Variants in AEBP2 observed in about 807,000 individuals in gnomAD.
AEBP2 encodes zinc finger protein AEBP2.
In AEBP2, 10 loss-of-function variants were observed where a neutral mutation model predicts 50.8. That is an observed-to-expected ratio of 0.20 (90% CI 0.12 to 0.33). AEBP2 has a LOEUF of 0.33. Ranked by LOEUF, AEBP2 falls within the 10% of genes least tolerant of loss-of-function variation. The probability of loss-of-function intolerance (pLI) is 1.00; values close to 1 mark genes in which losing one functional copy is unlikely to be tolerated. For missense variants in AEBP2, 570 were observed against 688.0 expected (o/e 0.83, Z 1.92); for synonymous variants, 296 against 261.3 (o/e 1.13, Z -1.28).
chr12:19,431,632 C>T (rs1163556207), intron 1 of AEBP2, among the ~76,000 whole-genome samples: 1 of 152,148 alleles, frequency 6.6e-6, no homozygotes, highest in African/African-American at 2.4e-5. Context: ...TTCAAAATGG[C>T]TATACTGATA....
At chr12:19,477,547 T>G (rs777835527) in intron 3 of AEBP2, among the ~76,000 whole-genome samples, 3 of 152,220 alleles carry the variant, frequency 2.0e-5, no homozygotes, top group Non-Finnish European at 4.4e-5. Context: ...TCTATTGAGA[T>G]CACATGATTT....
intron 3 of AEBP2, among the ~76,000 whole-genome samples, chr12:19,486,974 A>T (rs1024218736): frequency 1.3e-5 from 2 of 152,016 alleles, no homozygotes; most frequent in African/African-American, 4.8e-5. Context: ...ATTCTAGTGG[A>T]TGAGTAGTGG....
chr12:19,504,730 A>G (rs946963070), intron 5 of AEBP2, among the ~76,000 whole-genome samples: 2 of 152,190 alleles, frequency 1.3e-5, no homozygotes, highest in African/African-American at 4.8e-5. Flanking sequence ...TGTGTTGCCA[A>G]TTTATTGACA....
intron 1 of AEBP2, among the ~76,000 whole-genome samples, chr12:19,455,941 G>C (rs1948262111): frequency 7.3e-6 from 1 of 137,338 alleles, no homozygotes; most frequent in South Asian, 2.2e-4. Context: ...TAGTCAAAGA[G>C]ATCTTTTTTT....
intron 3 of AEBP2, among the ~76,000 whole-genome samples, chr12:19,485,083 C>A (rs1948787292): frequency 6.6e-6 from 1 of 152,184 alleles, no homozygotes; most frequent in Admixed American, 6.5e-5. Flanking sequence ...AAATCATTTA[C>A]ATCTTCATTG....
intron 1 of AEBP2, among the ~76,000 whole-genome samples, chr12:19,424,918 A>G (rs2095747768): frequency 6.6e-6 from 1 of 152,102 alleles, no homozygotes; most frequent in African/African-American, 2.4e-5. Context: ...CTGAGGCGGG[A>G]GAATCACTTG....
intron 1 of AEBP2, among the ~76,000 whole-genome samples, chr12:19,459,466 C>T (rs918690287): frequency 7.9e-5 from 12 of 152,026 alleles, no homozygotes; most frequent in Admixed American, 2.0e-4. Context: ...CTCCTGACCT[C>T]GTGATCCGCC....
chr12:19,497,697 C>G (rs534392046), intron 4 of AEBP2, among the ~76,000 whole-genome samples: 1 of 152,196 alleles, frequency 6.6e-6, no homozygotes, highest in East Asian at 1.9e-4. Context: ...GTCTCAAACT[C>G]CTGGTATCAA....
chr12:19,511,472 G>A (rs1014504041), intron 5 of AEBP2, among the ~76,000 whole-genome samples: 9 of 152,180 alleles, frequency 5.9e-5, no homozygotes, highest in African/African-American at 2.2e-4. Flanking sequence ...AGAGTTTTCT[G>A]CACCATACTA....
At chr12:19,517,241 T>G (rs74516531) in intron 7 of AEBP2, among the ~76,000 whole-genome samples, 7,389 of 152,208 alleles carry the variant, frequency 0.049, 393 homozygotes, top group Admixed American at 0.15. Flanking sequence ...TTCTTACTTG[T>G]TTTTAGGAGA....
intron 5 of AEBP2, among the ~76,000 whole-genome samples, chr12:19,501,797 G>GTTTGTTTTTTTTTTTTTT (rs60750234): frequency 2.8e-5 from 2 of 70,870 alleles, no homozygotes; most frequent in East Asian, 4.9e-4. Context: ...AAATGAGTTT[G>GTTTGTTTTTTTTTTTTTT]TTTTTTTTTT....
At position 19,492,517 on chromosome 12, in the gene AEBP2, A is replaced by G. The variant is rs577012125; in HGVS notation, c.988-1283A>G. 2.0e-5 allele frequency among the ~76,000 whole-genome samples: 3 copies of G among 152,296 alleles called. No homozygotes were observed. The South Asian group carries it at 6.2e-4, about 32-fold the overall frequency. On this transcript the variant is annotated intron_variant, in intron 3 of 7. Coordinates refer to ENST00000266508, the MANE Select transcript of AEBP2 (RefSeq NM_153207.5). The stretch of plus-strand genomic sequence containing the variant: ...GACCAACACTGAGCATGTCTTTTCT[A>G]AGAGAGAGGCTAGATCTAATTGTTT...
intron 3 of AEBP2, among the ~76,000 whole-genome samples, chr12:19,479,399 C>T (rs763208143): frequency 2.0e-5 from 3 of 152,266 alleles, no homozygotes; most frequent in Admixed American, 1.3e-4. Flanking sequence ...AGGAAAACTT[C>T]CCTGGCCTTG....
chr12:19,460,804 A>G (rs1446285958), intron 1 of AEBP2, among the ~76,000 whole-genome samples: 1 of 151,662 alleles, frequency 6.6e-6, no homozygotes, highest in African/African-American at 2.4e-5. Context: ...GCAGGCGCAC[A>G]CTACCATGCC....
At chr12:19,457,577 A>T (rs886479082) in intron 1 of AEBP2, 3 of 1,481,896 alleles carry the variant, frequency 2.0e-6, no homozygotes, top group Non-Finnish European at 2.7e-6. Context: ...TCAGATGGCC[A>T]GTAGTGGTGG....
Position 19,518,616 on chromosome 12 carries a change from A to G in AEBP2, c.*499A>G. The G allele has an allele frequency of 1.4e-6, 2 of 1,410,738 alleles. No homozygotes were observed. Among genetic ancestry groups the G allele is most frequent in the South Asian group, 3.2e-5 (2 of 62,054 alleles). 87.4% of individuals were successfully genotyped at this position (1,410,738 alleles called of 1,614,324 possible). ...AGACAATGAAAATTATCAAGAGATA[A>G]TTTACCTTTCAATTATGATAAATAG... On this transcript the variant is annotated 3_prime_UTR_variant, in exon 8 of 8. Transcript: ENST00000266508.
intron 5 of AEBP2, among the ~76,000 whole-genome samples, chr12:19,506,987 A>T (rs1949163112): frequency 6.6e-6 from 1 of 152,094 alleles, no homozygotes; most frequent in African/African-American, 2.4e-5. Context: ...ATTTGGACAT[A>T]TTTAGAGGCC....
chr12:19,515,829 G>A (rs11044633), intron 7 of AEBP2, among the ~76,000 whole-genome samples: 3,274 of 152,282 alleles, frequency 0.021, 41 homozygotes, highest in East Asian at 0.043. Context: ...GCTGGGCCCA[G>A]TGGCTCATGC....
chr12:19,520,453 A>G lies in AEBP2; in HGVS notation c.*2336A>G, dbSNP rs1412536016. ...TTGATACTGTTAACACACCAAAAAG[A>G]ATATGGAATTGAAATGAGCTAGCTT... On this transcript the variant is annotated 3_prime_UTR_variant, in exon 8 of 8. Coordinates refer to ENST00000266508, the MANE Select transcript of AEBP2 (RefSeq NM_153207.5). 1 of 152,192 alleles carries G rather than the reference A, an allele frequency of 6.6e-6. No individual in the cohort carries two copies. The highest frequency in any genetic ancestry group is 6.5e-5 in the Admixed American group (1 of 15,278). 9.4% of individuals were successfully genotyped at this position (152,192 alleles called of 1,614,324 possible).
Sources: allele counts gnomAD v4.1 joint callset (sites outside exome capture counted in the v4.1 genomes callset), GRCh38; gene constraint gnomAD v4.1.1; transcripts MANE v1.5; gene names NCBI Gene and HGNC (gene_info 2026-07-23, HGNC 2026-07-21).